ZNF675: variants seen among roughly 807,000 people sequenced by gnomAD.
The protein encoded by ZNF675 is TRAF6 inhibitory zinc finger.
Under a neutral mutation model 56.1 loss-of-function variants are expected in ZNF675, and 36 were observed. That is an observed-to-expected ratio of 0.64 (90% confidence interval 0.49 to 0.85). The LOEUF (loss-of-function observed/expected upper bound fraction) is 0.85. ZNF675 is among the 40% of genes least tolerant of loss of function. ZNF675 has a pLI of 0.00. For missense variants in ZNF675, 663 were observed against 654.2 expected (o/e 1.01, Z -0.15); for synonymous variants, 200 against 218.9 (o/e 0.91, Z 0.76).
intron 3 of ZNF675, chr19:23,655,245 A>G (rs1328981206): frequency 6.6e-6 from 1 of 152,094 alleles, no homozygotes; most frequent in Admixed American, 6.6e-5. Context: ...TCAAAAAAAA[A>G]AAAAAAGTAA....
intron 1 of ZNF675, among the ~76,000 whole-genome samples, chr19:23,671,570 C>CCACCATGGGG (rs1968227024): frequency 1.4e-5 from 2 of 146,458 alleles, no homozygotes; most frequent in Non-Finnish European, 3.0e-5. Flanking sequence ...TGCCCCTGTG[C>CCACCATGGGG]CACCATGGGG....
Position 23,687,187 on chromosome 19 carries a change from G to A in ZNF675, c.-154C>T, listed in dbSNP as rs746738240. On this transcript the variant is annotated 5_prime_UTR_variant, in exon 1 of 4. Transcript: ENST00000359788. ...GGCTGCAGCGAGAGACAAAGGCGCCGCCAAATCCCGGAAGCCATCTTGTCT... is the reference window on the plus strand; with the variant it reads ...GGCTGCAGCGAGAGACAAAGGCGCCACCAAATCCCGGAAGCCATCTTGTCT... 2.4e-4 allele frequency: 214 copies of A among 881,266 alleles called. No individual in the cohort carries two copies. Among genetic ancestry groups the A allele is most frequent in the Non-Finnish European group, 3.7e-4 (203 of 554,714 alleles). The allele number at this position is 881,266 out of a possible 1,614,324, so 54.6% of individuals were successfully genotyped here. A position where few individuals can be genotyped will look rare whatever the true frequency, so the allele number is the denominator to read the frequency against.
At chr19:23,658,497 T>C (rs1454676866) in intron 3 of ZNF675, 3 of 151,784 alleles carry the variant, frequency 2.0e-5, no homozygotes, top group Admixed American at 1.3e-4. Context: ...TTGGCCAACA[T>C]GGTGAAACCC....
At chr19:23,685,210 C>T (rs975773336) in intron 1 of ZNF675, among the ~76,000 whole-genome samples, 1 of 152,002 alleles carries the variant, frequency 6.6e-6, no homozygotes. Flanking sequence ...GGTGATCCAC[C>T]GCCTCAGACT....
intron 1 of ZNF675, among the ~76,000 whole-genome samples, chr19:23,684,118 T>C (rs1371385513): frequency 6.6e-6 from 1 of 151,236 alleles, no homozygotes; most frequent in African/African-American, 2.4e-5. Context: ...AAAAATTAGC[T>C]GGGCGTGGTG....
intron 1 of ZNF675, among the ~76,000 whole-genome samples, chr19:23,677,091 G>A (rs55975727): frequency 0.97 from 137,583 of 141,922 alleles, 66,950 homozygotes; most frequent in South Asian, 1. Flanking sequence ...AAAAAAAAAA[G>A]AGAAAAGAAA....
chr19:23,658,169 G>A (rs748238878), intron 3 of ZNF675, among the ~76,000 whole-genome samples: 1 of 151,846 alleles, frequency 6.6e-6, no homozygotes, highest in Non-Finnish European at 1.5e-5. Context: ...GACCAGACTC[G>A]GCAACACGGT....
At chr19:23,668,676 G>A (rs1305370045) in intron 1 of ZNF675, among the ~76,000 whole-genome samples, 1 of 152,242 alleles carries the variant, frequency 6.6e-6, no homozygotes, top group Non-Finnish European at 1.5e-5. Flanking sequence ...TGCCCCGCGG[G>A]AAGGCAGCTA....
At chr19:23,680,180 G>A (rs1968358425) in intron 1 of ZNF675, among the ~76,000 whole-genome samples, 1 of 151,404 alleles carries the variant, frequency 6.6e-6, no homozygotes, top group Non-Finnish European at 1.5e-5. Flanking sequence ...GCAGGCTCCT[G>A]TAATCCCAAC....
At chr19:23,656,231 G>A (rs967271828) in intron 3 of ZNF675, 1 of 152,168 alleles carries the variant, frequency 6.6e-6, no homozygotes, top group African/African-American at 2.4e-5. Flanking sequence ...CATATTCTTG[G>A]CTCAAGGGCC....
chr19:23,687,047 G>A lies in ZNF675; in HGVS notation c.-14C>T. On this transcript the variant is annotated 5_prime_UTR_variant, in exon 1 of 4. Transcript: ENST00000359788. The stretch of plus-strand genomic sequence containing the variant: ...AACTCTCACCATTTCTAGGCTTCCA[G>A]GGGGTCCTGGAGTCTTAGCTGTGGA... The A allele has an allele frequency of 3.1e-6, 5 of 1,612,532 alleles. No individual in the cohort carries two copies. The highest frequency in any genetic ancestry group is 4.2e-6 in the Non-Finnish European group (5 of 1,178,736).
intron 3 of ZNF675, among the ~76,000 whole-genome samples, chr19:23,661,138 C>A (rs1968071338): frequency 6.6e-6 from 1 of 151,818 alleles, no homozygotes; most frequent in South Asian, 2.1e-4. Context: ...ACCATGTTAG[C>A]CAGGTTTCCA....
chr19:23,666,672 G>GTTAA (rs2144934114), intron 1 of ZNF675, among the ~76,000 whole-genome samples: 1 of 152,010 alleles, frequency 6.6e-6, no homozygotes, highest in East Asian at 1.9e-4. Flanking sequence ...ACCCTCTACT[G>GTTAA]GTAACTTATT....
chr19:23,658,847 CTA>C (rs371921126), intron 3 of ZNF675, among the ~76,000 whole-genome samples: 917 of 80,474 alleles, frequency 0.011, 29 homozygotes, highest in Non-Finnish European at 0.018. Context: ...ATAGATATAT[CTA>C]TATAGATATA....
chr19:23,663,249 G>C, intron 1 of ZNF675, 91 bp from the exon 2 acceptor site: 1 of 1,468,278 alleles, frequency 6.8e-7, no homozygotes, highest in Admixed American at 2.3e-5. Flanking sequence ...AAAGAGAACA[G>C]GTTCTGATTT....
Position 23,663,088 on chromosome 19 carries a change from T to C in ZNF675, c.74A>G (p.Gln25Arg), listed in dbSNP as rs776599630. The C allele has an allele frequency of 6.2e-6, 10 of 1,609,656 alleles. No homozygotes were observed. In the South Asian group the frequency reaches 8.9e-5, roughly 14 times the overall value. The change falls in exon 2 of 4, where the codon CAG becomes CGG. Residue 25 changes from glutamine to arginine, a missense_variant. Physicochemically the swap from Gln to Arg is conservative, Grantham distance 43. Around this residue, in one of 3 missense-constraint regions of ZNF675, gnomAD observed 33 missense variants for 31.8 expected, o/e 1.04. Transcript: ENST00000359788. ...LEEWQCLDTA[Q>R]RNLYKNVILE... Reference sequence around the variant, plus strand: ...AATCACATTTTTATATAAATTCCGCTGTGCAGTGTCCAGGCATTGCCATTC... The same window carrying C: ...AATCACATTTTTATATAAATTCCGCCGTGCAGTGTCCAGGCATTGCCATTC...
intron 3 of ZNF675, among the ~76,000 whole-genome samples, chr19:23,660,361 A>T (rs1968059671): frequency 6.6e-6 from 1 of 152,252 alleles, no homozygotes; most frequent in African/African-American, 2.4e-5. Context: ...CTAGTTTAAC[A>T]TAACACTGAA....
At chr19:23,662,611 C>G (rs1262688795) in intron 2 of ZNF675, among the ~76,000 whole-genome samples, 1 of 152,202 alleles carries the variant, frequency 6.6e-6, no homozygotes, top group African/African-American at 2.4e-5. Flanking sequence ...GGATCTGAAA[C>G]TCATTTATGC....
intron 1 of ZNF675, among the ~76,000 whole-genome samples, chr19:23,685,407 C>G (rs530095078): frequency 6.6e-6 from 1 of 152,152 alleles, no homozygotes; most frequent in Non-Finnish European, 1.5e-5. Context: ...ACTAGACACT[C>G]GAGCAGACAT....
Sources: allele counts gnomAD v4.1 joint callset (sites outside exome capture counted in the v4.1 genomes callset), GRCh38; gene constraint gnomAD v4.1.1; regional missense constraint gnomAD v4.1.1; transcripts MANE v1.5; gene names NCBI Gene and HGNC (gene_info 2026-07-23, HGNC 2026-07-21).